Variants in PLAAT3 observed in about 807,000 individuals in gnomAD.
PLAAT3 encodes the protein Ca-independent phospholipase A1/2.
A neutral mutation model predicts 16.7 loss-of-function variants in PLAAT3; 21 were observed. That is an observed-to-expected ratio of 1.26 (90% confidence interval 0.89 to 1.81). PLAAT3 has a LOEUF of 1.81. Ranked by LOEUF, PLAAT3 falls within the 40% of genes most tolerant of loss-of-function variation. PLAAT3 has a pLI of 0.00. For synonymous variants in PLAAT3, 76 were observed against 81.7 expected, an observed-to-expected ratio of 0.93 and a Z score of 0.38; for missense variants, 219 against 213.7, an observed-to-expected ratio of 1.02 and a Z score of -0.16.
intron 2 of PLAAT3, among the ~76,000 whole-genome samples, chr11:63,613,470 A>G (rs1006508577): frequency 1.3e-5 from 2 of 152,256 alleles, no homozygotes; most frequent in African/African-American, 2.4e-5. Flanking sequence ...TCTGGGAAAC[A>G]GTGGATTTGA....
intron 3 of PLAAT3, among the ~76,000 whole-genome samples, chr11:63,595,905 C>T (rs1258268998): frequency 6.6e-6 from 1 of 152,150 alleles, no homozygotes; most frequent in African/African-American, 2.4e-5. Context: ...AGTCTCTCTG[C>T]CCAAACACCT....
At chr11:63,575,125 C>A in intron 4 of PLAAT3, 79 bp from the exon 5 acceptor site, 1 of 942,208 alleles carries the variant, frequency 1.1e-6, no homozygotes, top group South Asian at 1.4e-5. Flanking sequence ...AAACATTCAG[C>A]TCGGGATACC....
chr11:63,598,139 T>C lies in PLAAT3; in HGVS notation c.40A>G (p.Ile14Val), dbSNP rs1293238317. 6.2e-7 allele frequency: 1 copy of C among 1,613,844 alleles called. No individual in the cohort carries two copies. Residue 14 changes from isoleucine to valine, a missense_variant, in exon 3 of 5, where the codon ATT becomes GTT. Physicochemically the swap from Ile to Val is conservative, Grantham distance 29. Transcript: ENST00000415826. ...PIPEPKPGDL[I>V]EIFRPFYRHW... Reference sequence around the variant, plus strand: ...CTGTAGAAAGGGCGAAAAATCTCAATCAGGTCTCCAGGCTTAGGCTCTGGC... The same window carrying C: ...CTGTAGAAAGGGCGAAAAATCTCAACCAGGTCTCCAGGCTTAGGCTCTGGC...
At chr11:63,591,359 A>G (rs1027989214) in intron 3 of PLAAT3, among the ~76,000 whole-genome samples, 2 of 152,184 alleles carry the variant, frequency 1.3e-5, no homozygotes, top group Middle Eastern at 3.2e-3. Context: ...TCCGACCTGG[A>G]CAACAGAGTG....
At chr11:63,600,357 G>T (rs1239729929) in intron 2 of PLAAT3, among the ~76,000 whole-genome samples, 3 of 152,226 alleles carry the variant, frequency 2.0e-5, no homozygotes, top group Admixed American at 2.0e-4. Context: ...GGTTCAGACA[G>T]AAAAAGTATT....
chr11:63,589,134 G>A (rs138686348), intron 4 of PLAAT3, among the ~76,000 whole-genome samples: 6 of 151,790 alleles, frequency 4.0e-5, no homozygotes, highest in East Asian at 3.9e-4. Flanking sequence ...ATTATCATTC[G>A]TACTTTACCA....
intron 3 of PLAAT3, among the ~76,000 whole-genome samples, chr11:63,595,958 G>A (rs576356631): frequency 6.6e-6 from 1 of 152,170 alleles, no homozygotes; most frequent in East Asian, 1.9e-4. Context: ...TGAGTGTGTT[G>A]CGGCCGGGCA....
At chr11:63,576,344 C>T (rs535838374) in intron 4 of PLAAT3, among the ~76,000 whole-genome samples, 1 of 152,276 alleles carries the variant, frequency 6.6e-6, no homozygotes, top group East Asian at 1.9e-4. Context: ...AGATGCTCAG[C>T]TGGGTGTGGT....
chr11:63,575,135 C>G, intron 4 of PLAAT3, 89 bp from the exon 5 acceptor site: 1 of 856,222 alleles, frequency 1.2e-6, no homozygotes, highest in Non-Finnish European at 1.9e-6. Context: ...CTCGGGATAC[C>G]TCACATGCCC....
At chr11:63,609,390 G>A (rs748046773) in intron 2 of PLAAT3, among the ~76,000 whole-genome samples, 6 of 152,302 alleles carry the variant, frequency 3.9e-5, no homozygotes, top group Admixed American at 6.5e-5. Flanking sequence ...GCCCACCTCC[G>A]GGGGCCTCAA....
At chr11:63,609,847 G>C (rs2003932) in intron 2 of PLAAT3, among the ~76,000 whole-genome samples, 15,673 of 152,076 alleles carry the variant, frequency 0.1, 1,057 homozygotes, top group Non-Finnish European at 0.16. Flanking sequence ...CCCAGACTTT[G>C]ACCACCAGGC....
At chr11:63,615,132 G>GTATATGTGTA (rs1565259723), upstream of PLAAT3, among the ~76,000 whole-genome samples, 624 of 8,980 alleles carry the variant, frequency 0.069, 99 homozygotes, top group African/African-American at 0.086. Context: ...GTGTATATAT[G>GTATATGTGTA]TATATGTGTA....
chr11:63,593,065 C>T (rs927468267), intron 3 of PLAAT3, among the ~76,000 whole-genome samples: 1 of 152,338 alleles, frequency 6.6e-6, no homozygotes, highest in South Asian at 2.1e-4. Context: ...ACCACACACA[C>T]CTGCTCAGTG....
chr11:63,577,297 G>T (rs560944323), intron 4 of PLAAT3, among the ~76,000 whole-genome samples: 1 of 151,778 alleles, frequency 6.6e-6, no homozygotes, highest in Non-Finnish European at 1.5e-5. Context: ...TCAGCCTCCC[G>T]AGTAGCTGGG....
intron 3 of PLAAT3, 44 bp from the exon 4 acceptor site, chr11:63,590,412 G>C (rs1463863223): frequency 8.2e-6 from 13 of 1,585,426 alleles, no homozygotes; most frequent in Non-Finnish European, 1.0e-5. Flanking sequence ...GTCCTGGGAA[G>C]GGCCACGGAG....
At chr11:63,615,150 G>GTA (rs1258989489), upstream of PLAAT3, among the ~76,000 whole-genome samples, 2 of 70,756 alleles carry the variant, frequency 2.8e-5, no homozygotes, top group African/African-American at 8.0e-5. Context: ...GTATATGTGT[G>GTA]TATATATGTG....
intron 4 of PLAAT3, among the ~76,000 whole-genome samples, chr11:63,581,800 T>C (rs1438323549): frequency 6.6e-6 from 1 of 152,206 alleles, no homozygotes; most frequent in Admixed American, 6.5e-5. Context: ...ATTTCTCTCT[T>C]TGTACTCTTT....
intron 4 of PLAAT3, among the ~76,000 whole-genome samples, chr11:63,576,199 T>A (rs906682502): frequency 6.6e-6 from 1 of 152,028 alleles, no homozygotes; most frequent in Non-Finnish European, 1.5e-5. Flanking sequence ...ACCCAGATCA[T>A]CCTGCAGTGC....
At chr11:63,577,457 G>A (rs531736013) in intron 4 of PLAAT3, among the ~76,000 whole-genome samples, 7 of 151,984 alleles carry the variant, frequency 4.6e-5, no homozygotes, top group East Asian at 1.9e-4. Flanking sequence ...GGCGTGAGCC[G>A]CCGCACCCAG....
Sources: gnomAD v4.1 joint callset for allele counts (sites outside exome capture counted in the v4.1 genomes callset) on GRCh38, gnomAD v4.1.1 for gene constraint, MANE v1.5 for transcripts, NCBI Gene and HGNC (gene_info 2026-07-23, HGNC 2026-07-21) for gene names.